ASXL1: variants seen among roughly 807,000 people sequenced by gnomAD.
The protein encoded by ASXL1 is ASXL transcriptional regulator 1, also known as polycomb group protein ASXL1.
Under a neutral mutation model 89.1 loss-of-function variants are expected in ASXL1, and 65 were observed. The observed-to-expected ratio is 0.73, with a 90% CI of 0.60 to 0.90. The LOEUF (loss-of-function observed/expected upper bound fraction) is 0.90. Ranked by LOEUF, ASXL1 falls within the 40% of genes least tolerant of loss-of-function variation. The pLI is 0.00. For missense variants in ASXL1, 1,786 were observed against 1,942.9 expected (o/e 0.92, Z 1.52); for synonymous variants, 739 against 746.9 (o/e 0.99, Z 0.17).
intron 4 of ASXL1, among the ~76,000 whole-genome samples, chr20:32,413,465 G>A (rs1025831814): frequency 2.6e-5 from 4 of 152,148 alleles, no homozygotes; most frequent in African/African-American, 9.7e-5. Context: ...AACAAAATGG[G>A]TTACAAACAA....
At chr20:32,406,641 T>C (rs1435111260) in intron 4 of ASXL1, among the ~76,000 whole-genome samples, 1 of 152,286 alleles carries the variant, frequency 6.6e-6, no homozygotes, top group South Asian at 2.1e-4. Flanking sequence ...CTCTTTACTT[T>C]GCTTGGACTC....
intron 4 of ASXL1, among the ~76,000 whole-genome samples, chr20:32,400,788 G>A (rs533306880): frequency 2.2e-4 from 34 of 152,280 alleles, no homozygotes; most frequent in African/African-American, 7.9e-4. Context: ...CTTCTGCATG[G>A]TGCCCAGGAA....
chr20:32,436,785 C>T lies in ASXL1; in HGVS notation c.4073C>T (p.Pro1358Leu). The T allele has an allele frequency of 6.2e-7, 1 of 1,614,236 alleles. No individual in the cohort carries two copies. The highest frequency in any genetic ancestry group is 8.5e-7 in the Non-Finnish European group (1 of 1,180,054). ...GVQTPREDWA[P>L]KPHAFVGSVK... ...CAGACTCCAAGGGAAGACTGGGCTC[C>T]AAAGCCACATGCCTTTGTTGGCAGC... The change falls in exon 13 of 13, where the codon CCA becomes CTA. Residue 1358 changes from proline to leucine, a missense_variant. Pro to Leu is a moderately conservative substitution (Grantham distance 98, BLOSUM62 -3). Coordinates refer to ENST00000375687, the MANE Select transcript of ASXL1 (RefSeq NM_015338.6).
intron 4 of ASXL1, among the ~76,000 whole-genome samples, chr20:32,399,057 A>G (rs955184373): frequency 1.3e-5 from 2 of 151,952 alleles, no homozygotes; most frequent in Non-Finnish European, 2.9e-5. Flanking sequence ...TAAAAATACA[A>G]AAATTAGTCA....
intron 4 of ASXL1, among the ~76,000 whole-genome samples, chr20:32,423,176 C>T (rs2011185456): frequency 6.6e-6 from 1 of 151,936 alleles, no homozygotes; most frequent in Non-Finnish European, 1.5e-5. Flanking sequence ...TGTAACCTAG[C>T]ACTTAGGGAG....
intron 1 of ASXL1, among the ~76,000 whole-genome samples, chr20:32,361,202 C>T (rs941516870): frequency 3.9e-5 from 6 of 152,204 alleles, no homozygotes; most frequent in African/African-American, 1.2e-4. Flanking sequence ...ACAAAATGAG[C>T]TGGGCATGGT....
At position 32,435,669 on chromosome 20, in the gene ASXL1, A is replaced by G. The variant is rs145132837; in HGVS notation, c.2957A>G (p.Asn986Ser). ...QQVDIEKLKI[N>S]GDSEALSPHG... ...GTGGACATTGAAAAGCTGAAAATCA[A>G]CGGAGACTCTGAAGCACTGAGTCCT... is the stretch of plus-strand genomic sequence containing the variant. Residue 986 changes from asparagine (N) to serine (S), a missense_variant, in exon 13 of 13, where the codon AAC becomes AGC. Physicochemically the swap from Asn to Ser is conservative, Grantham distance 46. This residue lies in a region of ASXL1 where 1,418 missense variants were observed against 1,427.8 expected (regional missense o/e 0.99). Coordinates refer to ENST00000375687, the MANE Select transcript of ASXL1 (RefSeq NM_015338.6). The G allele has an allele frequency of 1.8e-3, 2,892 of 1,614,144 alleles. 8 individuals carry two copies. The highest frequency in any genetic ancestry group is 2.1e-3 in the Non-Finnish European group (2,443 of 1,180,038).
At chr20:32,397,473 C>T (rs569669607) in intron 4 of ASXL1, among the ~76,000 whole-genome samples, 3 of 141,060 alleles carry the variant, frequency 2.1e-5, no homozygotes, top group South Asian at 2.3e-4. Flanking sequence ...GATCTCGGCT[C>T]GCTGCAGCCA....
chr20:32,416,488 A>G (rs2049141261), intron 4 of ASXL1, among the ~76,000 whole-genome samples: 1 of 152,186 alleles, frequency 6.6e-6, no homozygotes, highest in Non-Finnish European at 1.5e-5. Flanking sequence ...TCCTATTCAT[A>G]TGGAGGTATG....
Position 32,437,477 on chromosome 20 carries a change from G to T in ASXL1, c.*139G>T. ...CTTGCCTTCCCCCAAAATTTACACT[G>T]CTAAAGCCCTCTGTCACTTGGCGAC... On this transcript the variant is annotated 3_prime_UTR_variant, in exon 13 of 13. Transcript: ENST00000375687. 1 of 1,332,204 alleles carries T rather than the reference G, an allele frequency of 7.5e-7. No homozygotes were observed. The highest frequency in any genetic ancestry group is 1.3e-5 in the South Asian group (1 of 79,100). The allele number at this position is 1,332,204 out of a possible 1,614,324, so 82.5% of individuals were successfully genotyped here.
rs539520990 is a variant in ASXL1, at chr20:32,433,907, C to T, written c.1709C>T (p.Pro570Leu). The T allele has an allele frequency of 3.7e-6, 6 of 1,612,968 alleles. No homozygotes were observed. The highest frequency in any genetic ancestry group is 4.2e-6 in the Non-Finnish European group (5 of 1,180,046). Residue 570 changes from proline to leucine, a missense_variant, in exon 12 of 13, where the codon CCG becomes CTG. This residue lies in a region of ASXL1 where 1,418 missense variants were observed against 1,427.8 expected (regional missense o/e 0.99). Transcript: ENST00000375687. The part of the protein sequence containing the change: ...PQPTKEEPKV[P>L]PIRIQLSRIK... ...CCCACTAAAGAGGAGCCCAAAGTCC[C>T]GCCCATCCGGGTAGGAGACTGTTTG...
chr20:32,391,888 C>G (rs1012061430), intron 4 of ASXL1, among the ~76,000 whole-genome samples: 1 of 151,418 alleles, frequency 6.6e-6, no homozygotes, highest in Non-Finnish European at 1.5e-5. Context: ...CTTTTCAGTG[C>G]TTAGTTTTTG....
chr20:32,392,608 C>T (rs888744303), intron 4 of ASXL1, among the ~76,000 whole-genome samples: 22 of 150,392 alleles, frequency 1.5e-4, no homozygotes, highest in African/African-American at 5.3e-4. Flanking sequence ...AGCCACTGCT[C>T]CCAGCCCTGA....
At chr20:32,425,345 C>G (rs571990567) in intron 4 of ASXL1, among the ~76,000 whole-genome samples, 2 of 152,262 alleles carry the variant, frequency 1.3e-5, no homozygotes, top group East Asian at 3.9e-4. Flanking sequence ...TGTGCATGTA[C>G]TTCTCTAAGG....
At chr20:32,428,019 T>C in intron 4 of ASXL1, 109 bp from the exon 5 acceptor site, 1 of 1,500,192 alleles carries the variant, frequency 6.7e-7, no homozygotes, top group Non-Finnish European at 9.1e-7. Context: ...TAGGAACTTG[T>C]CAGTATTCTA....
intron 4 of ASXL1, among the ~76,000 whole-genome samples, chr20:32,399,222 A>T (rs1305247298): frequency 6.6e-6 from 1 of 152,198 alleles, no homozygotes; most frequent in East Asian, 1.9e-4. Context: ...AAGAAAAAAA[A>T]AAGAATACGT....
intron 1 of ASXL1, among the ~76,000 whole-genome samples, chr20:32,363,018 C>A (rs2048146541): frequency 1.3e-5 from 2 of 151,626 alleles, no homozygotes; most frequent in Admixed American, 1.3e-4. Context: ...TTTTTTTCCC[C>A]TTTGAAGTAA....
intron 4 of ASXL1, among the ~76,000 whole-genome samples, chr20:32,407,171 ATC>A (rs2123085689): frequency 6.6e-6 from 1 of 152,178 alleles, no homozygotes; most frequent in Admixed American, 6.5e-5. Flanking sequence ...GTGAAACCCC[ATC>A]TCTACTAAAA....
chr20:32,387,813 G>C (rs1250324314), intron 4 of ASXL1, among the ~76,000 whole-genome samples: 1 of 152,150 alleles, frequency 6.6e-6, no homozygotes, highest in African/African-American at 2.4e-5. Context: ...CATATATTCA[G>C]TTACCTCCTC....
Sources: allele counts gnomAD v4.1 joint callset (sites outside exome capture counted in the v4.1 genomes callset), GRCh38; gene constraint gnomAD v4.1.1; regional missense constraint gnomAD v4.1.1; transcripts MANE v1.5; gene names NCBI Gene and HGNC (gene_info 2026-07-23, HGNC 2026-07-21).